Variants in SDK1 observed in about 807,000 individuals in gnomAD.
SDK1 encodes sidekick cell adhesion molecule 1.
A neutral mutation model predicts 245.5 loss-of-function variants in SDK1; 157 were observed. The ratio of observed to expected loss-of-function variants is 0.64; its 90% CI spans 0.56 to 0.73. The LOEUF (loss-of-function observed/expected upper bound fraction) is 0.73. SDK1 is among the 30% of genes least tolerant of loss of function. The pLI is 0.00. For synonymous variants in SDK1, 1,647 were observed against 1,278.5 expected (o/e 1.29, Z -6.15); for missense variants, 3,583 against 3,002.3 (o/e 1.19, Z -4.52).
At chr7:4,081,693 C>G (rs563745379) in intron 22 of SDK1, among the ~76,000 whole-genome samples, 1 of 152,268 alleles carries the variant, frequency 6.6e-6, no homozygotes, top group East Asian at 1.9e-4. Flanking sequence ...GCTGGGATTA[C>G]AGGCATGAGC....
At chr7:3,577,663 G>A (rs1562575712) in intron 1 of SDK1, among the ~76,000 whole-genome samples, 1 of 152,070 alleles carries the variant, frequency 6.6e-6, no homozygotes, top group Non-Finnish European at 1.5e-5. Flanking sequence ...AGCTGTCAAT[G>A]TCTGTTAGGT....
chr7:3,345,938 G>C (rs947811997), intron 1 of SDK1, among the ~76,000 whole-genome samples: 1 of 152,186 alleles, frequency 6.6e-6, no homozygotes, highest in South Asian at 2.1e-4. Flanking sequence ...ACCCACTGCA[G>C]TTATTCGGTT....
intron 4 of SDK1, among the ~76,000 whole-genome samples, chr7:3,798,720 T>C (rs141632268): frequency 6.6e-6 from 1 of 152,174 alleles, no homozygotes; most frequent in African/African-American, 2.4e-5. Context: ...ATTCTGTTCT[T>C]AGAAGCAAGT....
chr7:4,093,649 G>A (rs1347895660), intron 22 of SDK1, among the ~76,000 whole-genome samples: 5 of 152,308 alleles, frequency 3.3e-5, no homozygotes, highest in South Asian at 2.1e-4. Context: ...TCCCCAGGAC[G>A]CTTAGAGACG....
At chr7:3,339,425 C>T (rs951700905) in intron 1 of SDK1, among the ~76,000 whole-genome samples, 1 of 152,122 alleles carries the variant, frequency 6.6e-6, no homozygotes, top group African/African-American at 2.4e-5. Context: ...ATAGGACTTA[C>T]ACAATTGACC....
At chr7:3,335,003 C>T (rs79933008) in intron 1 of SDK1, among the ~76,000 whole-genome samples, 2,124 of 152,200 alleles carry the variant, frequency 0.014, 57 homozygotes, top group African/African-American at 0.048. Flanking sequence ...TAATTTATCA[C>T]CCTGAATCCC....
chr7:4,125,168 GTGGATGGATGGATGGATGGGTGATGGA>G (rs1784307136), intron 25 of SDK1, among the ~76,000 whole-genome samples: 2 of 139,724 alleles, frequency 1.4e-5, no homozygotes, highest in Admixed American at 7.1e-5. Flanking sequence ...GGATGGATGG[GTGGATGGATGGATGGATGGGTGATGGA>G]TGGATGGATG....
Position 4,180,735 on chromosome 7 carries a change from G to A in SDK1, c.5098+2149G>A, listed in dbSNP as rs370084513. Among the ~76,000 whole-genome samples, 373 of 152,334 alleles carry A rather than the reference G, an allele frequency of 2.4e-3. 2 individuals carry two copies. The highest frequency in any genetic ancestry group is 0.02 in the South Asian group (98 of 4,828). On this transcript the variant is annotated intron_variant, in intron 35 of 44. Transcript: ENST00000404826. ...GAAGCTTCCAATCATGGTGGAAGGC[G>A]AAGGGGGAGCAGGCATCCCACACGG...
At chr7:3,325,576 A>G (rs1270266749) in intron 1 of SDK1, among the ~76,000 whole-genome samples, 2 of 152,132 alleles carry the variant, frequency 1.3e-5, no homozygotes, top group African/African-American at 4.8e-5. Flanking sequence ...TTAATTACAG[A>G]CAATAGGTTT....
intron 1 of SDK1, among the ~76,000 whole-genome samples, chr7:3,567,947 G>C (rs749878043): frequency 6.6e-6 from 1 of 152,184 alleles, no homozygotes; most frequent in African/African-American, 2.4e-5. Context: ...CTCCTGAGTA[G>C]CTGGGACCAC....
intron 20 of SDK1, among the ~76,000 whole-genome samples, chr7:4,072,888 T>C (rs1476910746): frequency 6.6e-6 from 1 of 152,144 alleles, no homozygotes; most frequent in Non-Finnish European, 1.5e-5. Context: ...AAGCACGGAG[T>C]AGGGGGCGGC....
chr7:3,434,347 A>T (rs1193115632), intron 1 of SDK1, among the ~76,000 whole-genome samples: 2 of 152,202 alleles, frequency 1.3e-5, no homozygotes, highest in Non-Finnish European at 2.9e-5. Context: ...TGGTTTTGGT[A>T]TATGAGGTGG....
intron 5 of SDK1, among the ~76,000 whole-genome samples, chr7:3,872,807 A>G (rs1780988921): frequency 1.3e-5 from 2 of 151,918 alleles, no homozygotes; most frequent in African/African-American, 2.4e-5. Flanking sequence ...ATCTGAATCT[A>G]CCTCCACATA....
At chr7:3,762,943 G>GCCTCCTGGT (rs2114991554) in intron 4 of SDK1, among the ~76,000 whole-genome samples, 1 of 152,200 alleles carries the variant, frequency 6.6e-6, no homozygotes, top group Admixed American at 6.5e-5. Context: ...CTGTGTTCTA[G>GCCTCCTGGT]CCTCCTGGTT....
At chr7:3,881,299 T>C (rs375782896) in intron 5 of SDK1, among the ~76,000 whole-genome samples, 21 of 152,012 alleles carry the variant, frequency 1.4e-4, no homozygotes, top group East Asian at 5.8e-4. Context: ...TCCCCCGCCA[T>C]GTGTCCATGT....
chr7:3,781,405 A>G (rs887287701), intron 4 of SDK1, among the ~76,000 whole-genome samples: 5 of 152,144 alleles, frequency 3.3e-5, no homozygotes, highest in Non-Finnish European at 7.4e-5. Context: ...CCCTTCCAGA[A>G]TCACAGTCTA....
In SDK1 at chr7:4,042,066, C is replaced by A. The variant is rs138512823; in HGVS notation, c.2603-7282C>A. On this transcript the variant is annotated intron_variant, in intron 17 of 44. Coordinates refer to ENST00000404826, the MANE Select transcript of SDK1 (RefSeq NM_152744.4). ...TGACCTCGTGATCCACCCACCTTGG[C>A]CTCCCAAAGTGCTGGGATTACAGGC... 4.7e-3 allele frequency among the ~76,000 whole-genome samples: 641 copies of A among 136,590 alleles called. 194 individuals are homozygous for A. Among genetic ancestry groups the A allele is most frequent in the African/African-American group, 0.021 (616 of 29,900 alleles). 89.6% of individuals were successfully genotyped at this position (136,590 alleles called of 152,430 possible).
intron 3 of SDK1, among the ~76,000 whole-genome samples, chr7:3,641,501 C>T (rs6957029): frequency 0.011 from 1,687 of 152,186 alleles, 34 homozygotes; most frequent in African/African-American, 0.039. Flanking sequence ...GTGCAGGAGA[C>T]AGTGACCTCA....
At chr7:3,854,948 C>T (rs1290626169) in intron 5 of SDK1, among the ~76,000 whole-genome samples, 5 of 152,152 alleles carry the variant, frequency 3.3e-5, no homozygotes, top group Non-Finnish European at 7.3e-5. Context: ...CCCAGGTGCA[C>T]ATGCAGGGTG....
Sources: gnomAD v4.1 joint callset for allele counts (sites outside exome capture counted in the v4.1 genomes callset) on GRCh38, gnomAD v4.1.1 for gene constraint, MANE v1.5 for transcripts, NCBI Gene and HGNC (gene_info 2026-07-23, HGNC 2026-07-21) for gene names.